KANK2: variants seen among roughly 807,000 people sequenced by gnomAD.
KANK2 encodes KN motif and ankyrin repeat domain-containing protein 2.
In KANK2, 41 loss-of-function variants were observed where a neutral mutation model predicts 74.6. That is an observed-to-expected ratio of 0.55 (90% CI 0.43 to 0.71). The LOEUF (loss-of-function observed/expected upper bound fraction) is 0.71. Ranked by LOEUF, KANK2 falls within the 30% of genes least tolerant of loss-of-function variation. KANK2 has a pLI of 0.00. For missense variants in KANK2, 1,148 were observed against 1,196.4 expected (o/e 0.96, Z 0.60); for synonymous variants, 537 against 519.0 (o/e 1.03, Z -0.47).
intron 4 of KANK2, among the ~76,000 whole-genome samples, chr19:11,192,073 C>G (rs532805486): frequency 6.6e-6 from 1 of 152,184 alleles, no homozygotes; most frequent in African/African-American, 2.4e-5. Context: ...ATAACGACAA[C>G]AAGAACAAGA....
At chr19:11,190,298 T>C (rs2078804496) in intron 4 of KANK2, among the ~76,000 whole-genome samples, 1 of 152,074 alleles carries the variant, frequency 6.6e-6, no homozygotes, top group African/African-American at 2.4e-5. Context: ...CAGCTAATTT[T>C]TGTATTTTTA....
chr19:11,173,194 C>A, intron 9 of KANK2, 71 bp from the exon 10 acceptor site: 1 of 1,518,654 alleles, frequency 6.6e-7, no homozygotes, highest in South Asian at 1.2e-5. Flanking sequence ...ACGTGGATAC[C>A]ACGTCTCGTC....
At position 11,194,029 on chromosome 19, in the gene KANK2, T is replaced by G; in HGVS notation, c.51A>C (p.Pro17=). The part of the protein sequence containing the change: ...VPAPFPGTPG[P]ASPPAFPAKD... ...TGGCAGGGAAGGCAGGTGGGGAGGC[T>G]GGGCCAGGGGTCCCTGGGGATGGGA... The change falls in exon 4 of 13, where the codon CCA becomes CCC. Residue 17 remains proline (P), a synonymous_variant. Coordinates refer to ENST00000586659, the MANE Select transcript of KANK2 (RefSeq NM_001136191.3). The G allele has an allele frequency of 6.2e-7, 1 of 1,607,942 alleles. No homozygotes were observed. Among genetic ancestry groups the G allele is most frequent in the Non-Finnish European group, 8.5e-7 (1 of 1,176,250 alleles).
At position 11,193,029 on chromosome 19, in the gene KANK2, C is replaced by G. The variant is rs745831416; in HGVS notation, c.1051G>C (p.Ala351Pro). Residue 351 changes from alanine (A) to proline (P), a missense_variant, in exon 4 of 13, where the codon GCA (alanine) becomes CCA (proline). Coordinates refer to ENST00000586659, the MANE Select transcript of KANK2 (RefSeq NM_001136191.3). This position sits in a 1 kb window ranked among gnomAD's most constrained non-coding sequence, Gnocchi z 9.6. ...VVASTAAGAP[A>P]QRAQSLEPYG... ...GGCTCCAGGCTCTGGGCCCGCTGTG[C>G]GGGGGCGCCAGCGGCTGTGCTGGCC... The G allele has an allele frequency of 1.2e-6, 2 of 1,612,034 alleles. No homozygotes were observed. Among genetic ancestry groups the G allele is most frequent in the Non-Finnish European group, 1.7e-6 (2 of 1,179,198 alleles).
chr19:11,178,689 C>A lies in KANK2; in HGVS notation c.1281G>T (p.Ser427=), dbSNP rs758647445. The change falls in exon 5 of 13, where the codon TCG becomes TCT. Residue 427 remains serine (S), a synonymous_variant. Coordinates refer to ENST00000586659, the MANE Select transcript of KANK2 (RefSeq NM_001136191.3). ...AGGCTACCTCGGACCCCGGGGGTGA[C>A]GAAGACGATTCGGCAGGAACTTCTG... is the stretch of plus-strand genomic sequence containing the variant. ...GLPEVPAESS[S]SPPGSEVASL... The A allele has an allele frequency of 1.4e-5, 22 of 1,536,790 alleles. No homozygotes were observed. In the East Asian group the frequency reaches 5.5e-4, roughly 38 times the overall value.
rs567235132 is a variant in KANK2 at position 11,175,842 on chromosome 19, G to A, written c.1848+60C>T. 2.1e-4 allele frequency: 264 copies of A among 1,255,080 alleles called. 3 individuals are homozygous for A. In the East Asian group the frequency reaches 6.0e-3, roughly 28 times the overall value. The allele number at this position is 1,255,080 out of a possible 1,614,324, so 77.7% of individuals were successfully genotyped here. On this transcript the variant is annotated intron_variant, in intron 8 of 12. Coordinates refer to ENST00000586659, the MANE Select transcript of KANK2 (RefSeq NM_001136191.3). ...GTCACTGAGGATGAGGAGAGGCCACGGGTGGGGTGGAGGTAGGGGTCCGGG... is the reference window on the plus strand; with the variant it reads ...GTCACTGAGGATGAGGAGAGGCCACAGGTGGGGTGGAGGTAGGGGTCCGGG...
In KANK2 at chr19:11,166,478, A is replaced by T; in HGVS notation, c.*80T>A. Reference sequence around the variant, plus strand: ...TTGGGGAGTGTGAGTGGGGTGGGCCAGGGAGGAACGGGAACAGGGAGGAGA... The same window carrying T: ...TTGGGGAGTGTGAGTGGGGTGGGCCTGGGAGGAACGGGAACAGGGAGGAGA... On this transcript the variant is annotated 3_prime_UTR_variant, in exon 13 of 13. Transcript: ENST00000586659. 7.5e-7 allele frequency: 1 copy of T among 1,339,122 alleles called. No individual in the cohort carries two copies. The highest frequency in any genetic ancestry group is 1.1e-6 in the Non-Finnish European group (1 of 932,168). The allele number at this position is 1,339,122 out of a possible 1,614,324, so 83.0% of individuals were successfully genotyped here. A position where few individuals can be genotyped will look rare whatever the true frequency, so the allele number is the denominator to read the frequency against.
At position 11,166,466 on chromosome 19, in the gene KANK2, G is replaced by C; in HGVS notation, c.*92C>G. On this transcript the variant is annotated 3_prime_UTR_variant, in exon 13 of 13. Coordinates refer to ENST00000586659, the MANE Select transcript of KANK2 (RefSeq NM_001136191.3). ...GAGCCGTGGGCCTTGGGGAGTGTGAGTGGGGTGGGCCAGGGAGGAACGGGA... is the reference window on the plus strand; with the variant it reads ...GAGCCGTGGGCCTTGGGGAGTGTGACTGGGGTGGGCCAGGGAGGAACGGGA... 1 of 1,207,068 alleles carries C rather than the reference G, an allele frequency of 8.3e-7. No individual in the cohort carries two copies. Among genetic ancestry groups the C allele is most frequent in the Non-Finnish European group, 1.2e-6 (1 of 815,328 alleles). The allele number at this position is 1,207,068 out of a possible 1,614,324, so 74.8% of individuals were successfully genotyped here.
Position 11,170,393 on chromosome 19 carries a change from C to A in KANK2, c.2212-145G>T, listed in dbSNP as rs766824869. 1 of 632,516 alleles carries A rather than the reference C, an allele frequency of 1.6e-6. No individual in the cohort carries two copies. Among genetic ancestry groups the A allele is most frequent in the Non-Finnish European group, 2.8e-6 (1 of 362,752 alleles). The allele number at this position is 632,516 out of a possible 1,614,324, so 39.2% of individuals were successfully genotyped here. ...GATCTCCTCCTGAATCTCAAACAAC[C>A]CTCCCGTCACCAGGGGAGTAATAAA... On this transcript the variant is annotated intron_variant, in intron 10 of 12. Transcript: ENST00000586659. The surrounding 1 kb of genome is among the most constrained non-coding windows in gnomAD (Gnocchi z 5.2).
chr19:11,169,668 G>T (rs942085943), intron 12 of KANK2: 10 of 595,096 alleles, frequency 1.7e-5, no homozygotes, highest in Non-Finnish European at 3.0e-5. Flanking sequence ...GGGTGTGGTG[G>T]TGCACACCTG....
In KANK2 at chr19:11,193,149, C is replaced by G. The variant is rs1023919030; in HGVS notation, c.931G>C (p.Ala311Pro). The G allele has an allele frequency of 6.2e-7, 1 of 1,607,938 alleles. No individual in the cohort carries two copies. Among genetic ancestry groups the G allele is most frequent in the East Asian group, 2.2e-5 (1 of 44,734 alleles). ...GGCCAGGCCTGGGGCTGGGGGTCAG[C>G]CTGCCGGGCCTGAGCTGCCTGCAGC... Reference protein sequence around the residue: ...QELQAAQARQADPQPQAWPPP... With the variant: ...QELQAAQARQPDPQPQAWPPP... Residue 311 changes from alanine (A) to proline (P), a missense_variant, in exon 4 of 13, where the codon GCT becomes CCT. Transcript: ENST00000586659. This position sits in a 1 kb window ranked among gnomAD's most constrained non-coding sequence, Gnocchi z 9.6.
chr19:11,189,062 G>A lies in KANK2; in HGVS notation c.1249+3769C>T, dbSNP rs149153478. On this transcript the variant is annotated intron_variant, in intron 4 of 12. Transcript: ENST00000586659. ...TGGGCACCAAGTATCAACCATGCCT[G>A]GTACCATGATGAACACTTGACATGA... 4.6e-3 allele frequency among the ~76,000 whole-genome samples: 702 copies of A among 151,300 alleles called. 3 individuals are homozygous for A. The highest frequency in any genetic ancestry group is 0.014 in the South Asian group (65 of 4,772).
At chr19:11,190,340 C>T (rs550547954) in intron 4 of KANK2, among the ~76,000 whole-genome samples, 4 of 152,242 alleles carry the variant, frequency 2.6e-5, no homozygotes, top group African/African-American at 9.6e-5. Context: ...ATTGGCCAGG[C>T]TGGTCTTGAA....
intron 12 of KANK2, among the ~76,000 whole-genome samples, chr19:11,168,461 G>A (rs2078085527): frequency 6.6e-6 from 1 of 151,822 alleles, no homozygotes; most frequent in African/African-American, 2.4e-5. Context: ...ATTTTTGGGG[G>A]AGACAGGATC....
chr19:11,166,413 G>A lies in KANK2; in HGVS notation c.*145C>T, dbSNP rs1244529262. 4.2e-6 allele frequency: 3 copies of A among 711,780 alleles called. No homozygotes were observed. The highest frequency in any genetic ancestry group is 2.6e-5 in the East Asian group (1 of 38,218). The allele number at this position is 711,780 out of a possible 1,614,324, so 44.1% of individuals were successfully genotyped here. The stretch of plus-strand genomic sequence containing the variant: ...CTGTGGCCGTCGGGGCTCCCCCAGG[G>A]AAGCAGAGGGAGAGCTCGCTTGCCT... On this transcript the variant is annotated 3_prime_UTR_variant, in exon 13 of 13. Transcript: ENST00000586659.
intron 12 of KANK2, 34 bp downstream of exon 12, chr19:11,169,843 C>T: frequency 6.5e-7 from 1 of 1,532,590 alleles, no homozygotes; most frequent in Non-Finnish European, 9.0e-7. Flanking sequence ...GAGACCCACC[C>T]ATCCCGTGCC....
chr19:11,167,347 G>A (rs1322047176), intron 12 of KANK2, among the ~76,000 whole-genome samples: 1 of 151,974 alleles, frequency 6.6e-6, no homozygotes, highest in Non-Finnish European at 1.5e-5. Flanking sequence ...TTACAGGCGT[G>A]AGCCACCGTG....
Position 11,194,758 on chromosome 19 carries a change from T to TC in KANK2, c.-79-169dup, listed in dbSNP as rs71164165. 0.086 allele frequency: 25,472 copies of TC among 296,988 alleles called. 921 individuals are homozygous for TC. The highest frequency in any genetic ancestry group is 0.14 in the African/African-American group (2,519 of 17,382). The allele number at this position is 296,988 out of a possible 1,614,324, so 18.4% of individuals were successfully genotyped here. A position where few individuals can be genotyped will look rare whatever the true frequency, so the allele number is the denominator to read the frequency against. ...TGCGGAAGGGCCCCCCCCGACCCCC[T>TC]CCCCCCCGCAGGTCTGGAACAAAGA... On this transcript the variant is annotated intron_variant, in intron 2 of 12. Coordinates refer to ENST00000586659, the MANE Select transcript of KANK2 (RefSeq NM_001136191.3).
intron 9 of KANK2, among the ~76,000 whole-genome samples, chr19:11,173,822 T>C (rs1486633417): frequency 6.6e-6 from 1 of 151,944 alleles, no homozygotes; most frequent in Non-Finnish European, 1.5e-5. Flanking sequence ...GGGAAGGTGG[T>C]GTCTCACTCA....
Sources: allele counts gnomAD v4.1 joint callset (sites outside exome capture counted in the v4.1 genomes callset), GRCh38; gene constraint gnomAD v4.1.1; non-coding constraint Gnocchi (gnomAD v3.1); transcripts MANE v1.5; gene names NCBI Gene and HGNC (gene_info 2026-07-23, HGNC 2026-07-21).